The following CTCF variants were observed in gnomAD, a reference collection of about 807,000 sequenced individuals.
The protein encoded by CTCF is CCCTC-binding factor, also known as transcriptional repressor CTCF.
CTCF carries 7 observed loss-of-function variants against 72.3 expected under a neutral mutation model. That is an observed-to-expected ratio of 0.10 (90% CI 0.06 to 0.18). CTCF has a LOEUF of 0.18. CTCF is among the 10% of genes least tolerant of loss of function. The pLI is 1.00. For synonymous variants in CTCF, 374 were observed against 315.8 expected, an observed-to-expected ratio of 1.18 and a Z score of -1.95; for missense variants, 516 against 949.1, an observed-to-expected ratio of 0.54 and a Z score of 6.00.
chr16:67,578,221 C>T (rs921396294), intron 2 of CTCF, among the ~76,000 whole-genome samples: 1 of 151,864 alleles, frequency 6.6e-6, no homozygotes, highest in Non-Finnish European at 1.5e-5. Context: ...CTCAGTCTTG[C>T]CTCTGATCTC....
chr16:67,629,197 G>A (rs545361102), intron 9 of CTCF, among the ~76,000 whole-genome samples: 6 of 138,848 alleles, frequency 4.3e-5, no homozygotes, highest in South Asian at 2.6e-4. Flanking sequence ...ATCCTCCCCC[G>A]TCTCTGTCTG....
chr16:67,579,495 A>G (rs1263178694), intron 2 of CTCF, among the ~76,000 whole-genome samples: 2 of 151,530 alleles, frequency 1.3e-5, no homozygotes, highest in Non-Finnish European at 2.9e-5. Flanking sequence ...AGTAGCTGGG[A>G]TTATGGGCAC....
chr16:67,601,293 CCGTGTGTG>C (rs935935407), intron 2 of CTCF, among the ~76,000 whole-genome samples: 9 of 75,534 alleles, frequency 1.2e-4, no homozygotes, highest in African/African-American at 4.6e-4. Flanking sequence ...CACTCTGTCA[CCGTGTGTG>C]TGTGTGTGTG....
intron 1 of CTCF, among the ~76,000 whole-genome samples, chr16:67,564,428 G>C (rs2051317281): frequency 6.6e-6 from 1 of 152,182 alleles, no homozygotes; most frequent in African/African-American, 2.4e-5. Context: ...TCAATGTGTA[G>C]CTCCTCACTG....
chr16:67,618,321 G>GAA (rs1349072212), intron 5 of CTCF, among the ~76,000 whole-genome samples: 1 of 152,176 alleles, frequency 6.6e-6, no homozygotes, highest in African/African-American at 2.4e-5. Flanking sequence ...AGAATCACTT[G>GAA]AACCTGGGAG....
rs2142824375 is a variant in CTCF, at chr16:67,611,072, C to T, written c.240C>T (p.Gly80=). ...LLQMKTEVME[G]TVAPEAEAAV... is the part of the protein sequence containing the mutation. Reference sequence around the variant, plus strand: ...AGATGAAGACTGAAGTAATGGAGGGCACAGTGGCTCCAGAAGCAGAGGCTG... The same window carrying T: ...AGATGAAGACTGAAGTAATGGAGGGTACAGTGGCTCCAGAAGCAGAGGCTG... Residue 80 remains glycine, a synonymous_variant, in exon 3 of 12, where the codon GGC becomes GGT. Transcript: ENST00000264010. 1 of 1,614,108 alleles carries T rather than the reference C, an allele frequency of 6.2e-7. No individual in the cohort carries two copies. Among genetic ancestry groups the T allele is most frequent in the Non-Finnish European group, 8.5e-7 (1 of 1,180,012 alleles).
chr16:67,583,288 A>G (rs1567596029), intron 2 of CTCF, among the ~76,000 whole-genome samples: 1 of 152,020 alleles, frequency 6.6e-6, no homozygotes, highest in East Asian at 1.9e-4. Flanking sequence ...CGCCCAGCCT[A>G]CTTCTTATTT....
At chr16:67,579,979 T>C (rs1208611011) in intron 2 of CTCF, among the ~76,000 whole-genome samples, 3 of 152,156 alleles carry the variant, frequency 2.0e-5, no homozygotes, top group African/African-American at 7.2e-5. Context: ...GTTTGGACTT[T>C]AAGAGTTTTC....
Position 67,616,893 on chromosome 16 carries a change from T to C in CTCF, c.1086+15T>C. On this transcript the variant is annotated intron_variant, in intron 5 of 11. Transcript: ENST00000264010. ...CCAGTGTAGAAGTGAGTGTTCAGCT[T>C]TTTGTTGGTATCTCTCTTAGGCAGA... is the stretch of plus-strand genomic sequence containing the variant. 1.9e-6 allele frequency: 3 copies of C among 1,613,686 alleles called. No homozygotes were observed. The highest frequency in any genetic ancestry group is 2.5e-6 in the Non-Finnish European group (3 of 1,179,620).
chr16:67,631,169 TTTG>T lies in CTCF; in HGVS notation c.1837+1639_1837+1641del, dbSNP rs1567617449. On this transcript the variant is annotated intron_variant, in intron 10 of 11. Transcript: ENST00000264010. ...TTCTTTGTTTGTTTTTTTTTTGTTT[TTTG>T]TTTTTTTTTTGAGACAGTGTCTCCC... 1.7e-4 allele frequency among the ~76,000 whole-genome samples: 24 copies of T among 137,468 alleles called. 1 individual carries two copies. The highest frequency in any genetic ancestry group is 5.3e-4 in the African/African-American group (19 of 35,786). The allele number at this position is 137,468 out of a possible 152,430, so 90.2% of individuals were successfully genotyped here. A position where few individuals can be genotyped will look rare whatever the true frequency, so the allele number is the denominator to read the frequency against.
At chr16:67,625,812 C>T (rs1205822444) in intron 7 of CTCF, among the ~76,000 whole-genome samples, 1 of 140,640 alleles carries the variant, frequency 7.1e-6, no homozygotes, top group Non-Finnish European at 1.5e-5. Context: ...CTATGCCCCC[C>T]CACCCCCCGA....
intron 4 of CTCF, 83 bp from the exon 5 acceptor site, chr16:67,616,662 T>A: frequency 3.3e-6 from 5 of 1,496,136 alleles, no homozygotes; most frequent in Non-Finnish European, 4.6e-6. Context: ...TCCAGTCTCA[T>A]AGCAGTTCTG....
At chr16:67,609,302 G>A (rs952518896) in intron 2 of CTCF, among the ~76,000 whole-genome samples, 5 of 152,062 alleles carry the variant, frequency 3.3e-5, no homozygotes, top group Admixed American at 6.5e-5. Flanking sequence ...TCAGGTATAC[G>A]TTATTATTAA....
intron 2 of CTCF, among the ~76,000 whole-genome samples, chr16:67,609,457 T>G (rs1254064163): frequency 6.6e-6 from 1 of 152,170 alleles, no homozygotes; most frequent in East Asian, 1.9e-4. Context: ...TATCCAGAGT[T>G]GAAATTTCTA....
At chr16:67,632,109 T>C (rs1248282238) in intron 10 of CTCF, among the ~76,000 whole-genome samples, 2 of 150,426 alleles carry the variant, frequency 1.3e-5, no homozygotes, top group Non-Finnish European at 3.0e-5. Context: ...ATTATTGCAC[T>C]GAACTGTTGG....
chr16:67,590,960 CAAA>C (rs58183374), intron 2 of CTCF, among the ~76,000 whole-genome samples: 9 of 55,120 alleles, frequency 1.6e-4, no homozygotes, highest in African/African-American at 3.9e-4. Context: ...GACTCTGTCT[CAAA>C]AAAAAAAAAA....
At chr16:67,605,174 C>T (rs2051957874) in intron 2 of CTCF, among the ~76,000 whole-genome samples, 1 of 151,888 alleles carries the variant, frequency 6.6e-6, no homozygotes, top group Non-Finnish European at 1.5e-5. Flanking sequence ...GGTGTTTCAC[C>T]GTGTTAGCCA....
intron 7 of CTCF, among the ~76,000 whole-genome samples, chr16:67,624,084 TGTGTGTGTGTG>T (rs2052244113): frequency 9.8e-6 from 1 of 101,744 alleles, no homozygotes; most frequent in African/African-American, 3.5e-5. Context: ...TGTGTGTGTG[TGTGTGTGTGTG>T]TGTGTGTGTG....
chr16:67,635,086 A>G (rs1260809672), intron 10 of CTCF, among the ~76,000 whole-genome samples: 2 of 151,104 alleles, frequency 1.3e-5, no homozygotes, highest in Non-Finnish European at 1.5e-5. Context: ...CAGTGGCGCA[A>G]TCTTGGCTCA....
Sources: gnomAD v4.1 joint callset for allele counts (sites outside exome capture counted in the v4.1 genomes callset) on GRCh38, gnomAD v4.1.1 for gene constraint, MANE v1.5 for transcripts, NCBI Gene and HGNC (gene_info 2026-07-23, HGNC 2026-07-21) for gene names.